Variants in HYDIN observed in about 807,000 individuals in gnomAD.
HYDIN encodes the protein HYDIN axonemal central pair apparatus protein, also known as axonemal central pair apparatus protein HYDIN.
A neutral mutation model predicts 403.9 loss-of-function variants in HYDIN; 132 were observed. The observed-to-expected ratio is 0.33, with a 90% CI of 0.28 to 0.38. The LOEUF (loss-of-function observed/expected upper bound fraction) is 0.38. Ranked by LOEUF, HYDIN falls within the 10% of genes least tolerant of loss-of-function variation. HYDIN has a pLI of 1.00. For missense variants in HYDIN, 2,827 were observed against 5,009.5 expected, an observed-to-expected ratio of 0.56 and a Z score of 13.15; for synonymous variants, 1,202 against 1,891.7, an observed-to-expected ratio of 0.64 and a Z score of 9.46.
intron 12 of HYDIN, among the ~76,000 whole-genome samples, chr16:71,086,502 C>T (rs1490311782): frequency 6.6e-6 from 1 of 150,962 alleles, no homozygotes; most frequent in Non-Finnish European, 1.5e-5. Context: ...CCTTGGCTAG[C>T]ACTTTCCCTT....
intron 23 of HYDIN, among the ~76,000 whole-genome samples, chr16:71,011,361 G>C (rs977979965): frequency 4.6e-5 from 7 of 152,212 alleles, no homozygotes; most frequent in Non-Finnish European, 1.0e-4. Context: ...AGCCACATCT[G>C]ATTCGGCAGC....
intron 36 of HYDIN, among the ~76,000 whole-genome samples, chr16:70,967,754 T>C (rs1172594719): frequency 2.0e-5 from 3 of 151,374 alleles, no homozygotes; most frequent in Admixed American, 6.6e-5. Context: ...CCAAAGAATT[T>C]TGTATTTTTT....
intron 3 of HYDIN, among the ~76,000 whole-genome samples, chr16:71,179,422 T>C (rs1464150381): frequency 1.3e-5 from 2 of 151,710 alleles, no homozygotes; most frequent in Non-Finnish European, 1.5e-5. Context: ...AATAAACACA[T>C]TTTCAGAGAA....
chr16:70,939,107 G>A (rs1597371372), intron 43 of HYDIN, among the ~76,000 whole-genome samples: 1 of 152,308 alleles, frequency 6.6e-6, no homozygotes, highest in East Asian at 1.9e-4. Context: ...TCCTTTCGAG[G>A]GATGCAGGAG....
At chr16:71,106,523 T>C (rs556032411) in intron 10 of HYDIN, among the ~76,000 whole-genome samples, 1 of 152,288 alleles carries the variant, frequency 6.6e-6, no homozygotes, top group African/African-American at 2.4e-5. Flanking sequence ...GGAACTATGC[T>C]TTTGTACCTC....
At chr16:70,880,270 G>C (rs1174432459) in intron 60 of HYDIN, among the ~76,000 whole-genome samples, 3 of 138,612 alleles carry the variant, frequency 2.2e-5, no homozygotes, top group Non-Finnish European at 4.5e-5. Context: ...TGTTTCCCAG[G>C]CTGGTCTCAA....
Position 70,943,873 on chromosome 16 carries a change from C to T in HYDIN, c.6608G>A (p.Gly2203Glu). ...ATCCGGGAGCACACAGCTCATCAGC[C>T]CGGTCTCGCCTCCGACACTGGGACT... ...SVSPSVGGET[G>E]LMSCVLPDEL... The change falls in exon 42 of 86, where the codon GGG (glycine) becomes GAG (glutamate). Residue 2203 changes from glycine (G) to glutamate (E), a missense_variant. By Grantham distance (98) the Gly-to-Glu change is moderately conservative. Transcript: ENST00000393567. 1 of 1,613,764 alleles carries T rather than the reference C, an allele frequency of 6.2e-7. No homozygotes were observed. Among genetic ancestry groups the T allele is most frequent in the South Asian group, 1.1e-5 (1 of 91,066 alleles).
chr16:71,074,707 CAAAAAAA>C (rs59315287), intron 13 of HYDIN, among the ~76,000 whole-genome samples: 1 of 86,192 alleles, frequency 1.2e-5, no homozygotes, highest in Non-Finnish European at 2.3e-5. Flanking sequence ...CAAAAAACAC[CAAAAAAA>C]AAAAAAAAAA....
At chr16:71,187,718 G>A (rs1329583982) in intron 1 of HYDIN, among the ~76,000 whole-genome samples, 3 of 151,948 alleles carry the variant, frequency 2.0e-5, no homozygotes, top group East Asian at 1.9e-4. Context: ...CAAGACATAG[G>A]AAGAAGAGCT....
At chr16:70,864,975 A>T (rs561611857) in intron 67 of HYDIN, 1 of 184,934 alleles carries the variant, frequency 5.4e-6, no homozygotes, top group Admixed American at 5.9e-5. Context: ...AGGTGAAATG[A>T]TCATCAGCAG....
rs935735527 is a variant in HYDIN, at chr16:70,855,445, G to A, written c.12296-170C>T. On this transcript the variant is annotated intron_variant, in intron 72 of 85. Transcript: ENST00000393567. ...CTACAAGTCACCTTCCTTCTTTCGGGGATTCCATGTCTTTCTTCATCAGTT... is the reference window on the plus strand; with the variant it reads ...CTACAAGTCACCTTCCTTCTTTCGGAGATTCCATGTCTTTCTTCATCAGTT... Among the ~76,000 whole-genome samples, 7 of 152,300 alleles carry A rather than the reference G, an allele frequency of 4.6e-5. No homozygotes were observed. In the South Asian group the frequency reaches 6.2e-4, roughly 13 times the overall value.
chr16:71,027,367 G>A (rs1390681530), intron 20 of HYDIN: 1 of 1,412,672 alleles, frequency 7.1e-7, no homozygotes, highest in African/African-American at 1.4e-5. Context: ...GTGGACCCTG[G>A]GCATGAGAAC....
intron 3 of HYDIN, among the ~76,000 whole-genome samples, chr16:71,180,373 C>G (rs2086848023): frequency 6.6e-6 from 1 of 151,868 alleles, no homozygotes; most frequent in Non-Finnish European, 1.5e-5. Flanking sequence ...TATCTGTAAA[C>G]AAACCCTTTT....
chr16:70,920,527 A>T, intron 46 of HYDIN, 64 bp downstream of exon 46: 2 of 1,270,430 alleles, frequency 1.6e-6, no homozygotes, highest in Non-Finnish European at 2.2e-6. Flanking sequence ...AGCACCCCTG[A>T]TGACCTTAGC....
chr16:70,979,922 T>TCAAACAAACAAA (rs531189209), intron 29 of HYDIN, among the ~76,000 whole-genome samples: 5 of 151,082 alleles, frequency 3.3e-5, no homozygotes, highest in African/African-American at 1.2e-4. Flanking sequence ...AGACTCTGTA[T>TCAAACAAACAAA]CAAACAAACA....
chr16:71,208,042 C>T (rs189342741), intron 1 of HYDIN, among the ~76,000 whole-genome samples: 3 of 152,188 alleles, frequency 2.0e-5, no homozygotes, highest in Admixed American at 2.0e-4. Flanking sequence ...AAGTCAGGAC[C>T]TAAACTCAAC....
At chr16:70,884,742 T>C (rs539932470) in intron 58 of HYDIN, among the ~76,000 whole-genome samples, 66 of 149,538 alleles carry the variant, frequency 4.4e-4, no homozygotes, top group African/African-American at 1.4e-3. Flanking sequence ...AAACAGGATG[T>C]TGGTGCAATC....
intron 44 of HYDIN, among the ~76,000 whole-genome samples, chr16:70,936,817 C>A (rs2143864083): frequency 1.3e-5 from 2 of 150,752 alleles, no homozygotes; most frequent in South Asian, 4.2e-4. Flanking sequence ...CAGGCATGAG[C>A]CACTGCGCCC....
At chr16:70,849,291 C>T (rs1322011956) in intron 75 of HYDIN, among the ~76,000 whole-genome samples, 1 of 151,812 alleles carries the variant, frequency 6.6e-6, no homozygotes. Context: ...TGTTGCAAGC[C>T]TATTATTAAT....
Sources: allele counts gnomAD v4.1 joint callset (sites outside exome capture counted in the v4.1 genomes callset), GRCh38; gene constraint gnomAD v4.1.1; transcripts MANE v1.5; gene names NCBI Gene and HGNC (gene_info 2026-07-23, HGNC 2026-07-21).